Variants in SMARCC1 observed in about 807,000 individuals in gnomAD.
SMARCC1 encodes the protein SWI/SNF related BAF chromatin remodeling complex subunit C1.
A neutral mutation model predicts 147.4 loss-of-function variants in SMARCC1; 43 were observed. The ratio of observed to expected loss-of-function variants is 0.29; its 90% CI spans 0.23 to 0.38. SMARCC1 has a LOEUF of 0.38. Among genes scored for constraint, SMARCC1 ranks in the 10% least tolerant of loss-of-function variants. SMARCC1 has a pLI of 1.00. For synonymous variants in SMARCC1, 495 were observed against 484.4 expected (o/e 1.02, Z -0.29); for missense variants, 1,119 against 1,381.1 (o/e 0.81, Z 3.01).
chr3:47,778,212 A>AAAAAAAAAAAAAAAAAAC (rs1553693293), intron 1 of SMARCC1, among the ~76,000 whole-genome samples: 5 of 121,314 alleles, frequency 4.1e-5, no homozygotes, highest in Non-Finnish European at 8.5e-5. Flanking sequence ...ACAAAAAACA[A>AAAAAAAAAAAAAAAAAAC]AAAACAAAAA....
intron 10 of SMARCC1, among the ~76,000 whole-genome samples, chr3:47,705,825 A>T (rs1352255164): frequency 6.6e-6 from 1 of 152,226 alleles, no homozygotes; most frequent in Non-Finnish European, 1.5e-5. Flanking sequence ...ATTATTAAGT[A>T]CTATTTACCA....
intron 5 of SMARCC1, among the ~76,000 whole-genome samples, chr3:47,730,866 C>CAAA (rs59650729): frequency 1.1e-5 from 1 of 92,930 alleles, no homozygotes. Flanking sequence ...AATGCCATCT[C>CAAA]AAAAAAAAAA....
At chr3:47,777,105 A>C (rs2034984116) in intron 1 of SMARCC1, among the ~76,000 whole-genome samples, 1 of 143,796 alleles carries the variant, frequency 7.0e-6, no homozygotes, top group Admixed American at 7.2e-5. Context: ...TTTTTTTGAG[A>C]GAGTCTTGCT....
chr3:47,656,133 C>T (rs2033258595), intron 21 of SMARCC1, among the ~76,000 whole-genome samples: 1 of 152,030 alleles, frequency 6.6e-6, no homozygotes, highest in African/African-American at 2.4e-5. Flanking sequence ...AGCGCTTGAA[C>T]CTGGGAGGCG....
chr3:47,684,434 G>C (rs969386668), intron 14 of SMARCC1, among the ~76,000 whole-genome samples: 1 of 151,516 alleles, frequency 6.6e-6, no homozygotes, highest in African/African-American at 2.4e-5. Flanking sequence ...CTATTATTGG[G>C]TAGTAATTTT....
chr3:47,764,066 G>A (rs761845748), intron 2 of SMARCC1, among the ~76,000 whole-genome samples: 9 of 151,772 alleles, frequency 5.9e-5, no homozygotes, highest in Non-Finnish European at 1.3e-4. Context: ...ATGGGATTTC[G>A]CTCTATCACT....
At chr3:47,770,317 C>T (rs1334223938) in intron 2 of SMARCC1, among the ~76,000 whole-genome samples, 1 of 151,276 alleles carries the variant, frequency 6.6e-6, no homozygotes, top group African/African-American at 2.4e-5. Flanking sequence ...CACTTGAGCC[C>T]AGGAGTTCAA....
intron 5 of SMARCC1, 122 bp downstream of exon 5, chr3:47,735,912 T>C: frequency 2.1e-6 from 1 of 478,110 alleles, no homozygotes; most frequent in South Asian, 4.5e-5. Context: ...GAAAAAAATT[T>C]CTTTTGATGC....
intron 3 of SMARCC1, among the ~76,000 whole-genome samples, chr3:47,741,967 C>A (rs1298977070): frequency 6.6e-6 from 1 of 151,628 alleles, no homozygotes; most frequent in African/African-American, 2.4e-5. Context: ...AGCTTGCTGT[C>A]ATCATACAAA....
At chr3:47,676,552 AATT>A in intron 17 of SMARCC1, 74 bp downstream of exon 17, 1 of 1,010,338 alleles carries the variant, frequency 9.9e-7, no homozygotes, top group East Asian at 2.5e-5. Flanking sequence ...GTATAATAAT[AATT>A]GTTTCTAAAT....
At chr3:47,712,443 C>T (rs911590331) in intron 8 of SMARCC1, among the ~76,000 whole-genome samples, 1 of 151,778 alleles carries the variant, frequency 6.6e-6, no homozygotes, top group African/African-American at 2.4e-5. Context: ...TGAATTTTCA[C>T]ACTGATAATC....
intron 2 of SMARCC1, among the ~76,000 whole-genome samples, chr3:47,770,331 C>A (rs1459057043): frequency 1.3e-5 from 2 of 150,028 alleles, no homozygotes; most frequent in Non-Finnish European, 3.0e-5. Flanking sequence ...AGTTCAAGAC[C>A]AGCCTGGGAC....
At chr3:47,633,777 T>TACACACACAC (rs1207095997) in intron 24 of SMARCC1, among the ~76,000 whole-genome samples, 10 of 46,520 alleles carry the variant, frequency 2.1e-4, no homozygotes, top group South Asian at 1.7e-3. Flanking sequence ...TATATATATA[T>TACACACACAC]ATACACACAC....
intron 21 of SMARCC1, among the ~76,000 whole-genome samples, chr3:47,658,524 A>G (rs2033293289): frequency 6.6e-6 from 1 of 152,220 alleles, no homozygotes; most frequent in Non-Finnish European, 1.5e-5. Context: ...CAATCATATA[A>G]TATATTGGCT....
At chr3:47,659,767 G>GC (rs2033317773) in intron 21 of SMARCC1, among the ~76,000 whole-genome samples, 1 of 119,710 alleles carries the variant, frequency 8.4e-6, no homozygotes, top group South Asian at 3.3e-4. Flanking sequence ...AAAAGGGGGG[G>GC]GGGGCAAGAA....
intron 2 of SMARCC1, among the ~76,000 whole-genome samples, chr3:47,767,403 G>A (rs1224892137): frequency 2.7e-5 from 4 of 147,276 alleles, no homozygotes; most frequent in Admixed American, 6.8e-5. Flanking sequence ...ACCACACTCG[G>A]CTAATTTTTT....
chr3:47,676,252 T>C (rs1307956082), intron 17 of SMARCC1, among the ~76,000 whole-genome samples: 2 of 152,188 alleles, frequency 1.3e-5, no homozygotes, highest in Non-Finnish European at 2.9e-5. Flanking sequence ...TTAGGACAAG[T>C]TATAAAGATT....
chr3:47,763,394 G>A (rs1156459408), intron 2 of SMARCC1, among the ~76,000 whole-genome samples: 9 of 141,400 alleles, frequency 6.4e-5, no homozygotes, highest in East Asian at 2.1e-4. Flanking sequence ...CAACAATAGC[G>A]AGACTCCAGC....
intron 27 of SMARCC1, among the ~76,000 whole-genome samples, chr3:47,588,872 C>T (rs1276469583): frequency 1.3e-5 from 2 of 152,040 alleles, no homozygotes; most frequent in African/African-American, 2.4e-5. Context: ...TGCAGTCCTT[C>T]GATTTTTGGC....
Sources: gnomAD v4.1 joint callset for allele counts (sites outside exome capture counted in the v4.1 genomes callset) on GRCh38, gnomAD v4.1.1 for gene constraint, MANE v1.5 for transcripts, NCBI Gene and HGNC (gene_info 2026-07-23, HGNC 2026-07-21) for gene names.